FBXO11: variants seen among roughly 807,000 people sequenced by gnomAD.
FBXO11 encodes F-box only protein 11.
A neutral mutation model predicts 117.0 loss-of-function variants in FBXO11; 13 were observed. The observed-to-expected ratio is 0.11, with a 90% CI of 0.07 to 0.18. FBXO11 has a LOEUF of 0.18. Among genes scored for constraint, FBXO11 ranks in the 10% least tolerant of loss-of-function variants. FBXO11 has a pLI of 1.00. For synonymous variants in FBXO11, 490 were observed against 380.5 expected, an observed-to-expected ratio of 1.29 and a Z score of -3.35; for missense variants, 767 against 1,164.4, an observed-to-expected ratio of 0.66 and a Z score of 4.97.
At position 47,905,781 on chromosome 2, in the gene FBXO11, T is replaced by C. The variant is rs1307701273; in HGVS notation, c.-61A>G. ...ACACACACGCACACGCACAGCGAGC[T>C]TCGGGGCAGGAGAAAGGGGTGGGGA... On this transcript the variant is annotated 5_prime_UTR_variant, in exon 1 of 23. Coordinates refer to ENST00000403359, the MANE Select transcript of FBXO11 (RefSeq NM_001190274.2). 1.1e-5 allele frequency: 14 copies of C among 1,282,384 alleles called. No homozygotes were observed. Among genetic ancestry groups the C allele is most frequent in the South Asian group, 6.3e-5 (5 of 79,958 alleles). 79.4% of individuals were successfully genotyped at this position (1,282,384 alleles called of 1,614,324 possible). A position where few individuals can be genotyped will look rare whatever the true frequency, so the allele number is the denominator to read the frequency against.
rs1307224081 is a variant in FBXO11, at chr2:47,807,673, A to C, written c.*445T>G. 2 of 229,414 alleles carry C rather than the reference A, an allele frequency of 8.7e-6. No individual in the cohort carries two copies. The highest frequency in any genetic ancestry group is 4.5e-5 in the African/African-American group (2 of 44,804). The allele number at this position is 229,414 out of a possible 1,614,324, so 14.2% of individuals were successfully genotyped here. A position where few individuals can be genotyped will look rare whatever the true frequency, so the allele number is the denominator to read the frequency against. ...TCTCAATCTGAATACATGTTAAAAA[A>C]AAAAAATCAAAAGGAACGCAGAAGT... On this transcript the variant is annotated 3_prime_UTR_variant, in exon 23 of 23. Coordinates refer to ENST00000403359, the MANE Select transcript of FBXO11 (RefSeq NM_001190274.2).
intron 16 of FBXO11, among the ~76,000 whole-genome samples, chr2:47,815,184 T>A (rs1670923307): frequency 6.6e-6 from 1 of 152,218 alleles, no homozygotes; most frequent in South Asian, 2.1e-4. Context: ...TTTATTTTTG[T>A]ATTTAGGTTT....
Position 47,834,791 on chromosome 2 carries a change from C to T in FBXO11, c.798G>A (p.Met266Ile). ...TAAAAATAAAAATCAAACATACCAACATATTTTCTCTTCCTTTATATCTTG... is the reference window on the plus strand; with the variant it reads ...TAAAAATAAAAATCAAACATACCAATATATTTTCTCTTCCTTTATATCTTG... The part of the protein sequence containing the change: ...NPARYKGREN[M>I]LYYDTIEDAL... Residue 266 changes from methionine to isoleucine, a missense_variant, in exon 6 of 23, where the codon ATG (methionine) becomes ATA (isoleucine). Met to Ile is a conservative substitution (Grantham distance 10, BLOSUM62 1). Around this residue, in one of 10 missense-constraint regions of FBXO11, gnomAD observed 32 missense variants for 48.4 expected, o/e 0.66. Transcript: ENST00000403359. 1 of 1,612,346 alleles carries T rather than the reference C, an allele frequency of 6.2e-7. No individual in the cohort carries two copies. The highest frequency in any genetic ancestry group is 8.5e-7 in the Non-Finnish European group (1 of 1,179,226).
chr2:47,808,963 C>T, intron 21 of FBXO11, 195 bp downstream of exon 21: 1 of 448,982 alleles, frequency 2.2e-6, no homozygotes, highest in Non-Finnish European at 3.9e-6. Flanking sequence ...TCCCAAAGTG[C>T]TAGGATTACA....
In FBXO11 at chr2:47,839,415, A is replaced by G. The variant is rs949718117; in HGVS notation, c.442+4T>C. Reference sequence around the variant, plus strand: ...CCTATTTGTTACTTTCCCACAGGAAATACCTGATAGATCTTGTGATTTTCC... The same window carrying G: ...CCTATTTGTTACTTTCCCACAGGAAGTACCTGATAGATCTTGTGATTTTCC... On this transcript the variant is annotated splice_donor_region_variant and intron_variant, in intron 3 of 22. Coordinates refer to ENST00000403359, the MANE Select transcript of FBXO11 (RefSeq NM_001190274.2). 1.2e-6 allele frequency: 2 copies of G among 1,607,776 alleles called. No individual in the cohort carries two copies. The highest frequency in any genetic ancestry group is 2.7e-5 in the African/African-American group (2 of 74,580).
At chr2:47,847,254 A>T (rs1175769845) in intron 1 of FBXO11, among the ~76,000 whole-genome samples, 1 of 152,048 alleles carries the variant, frequency 6.6e-6, no homozygotes, top group African/African-American at 2.4e-5. Flanking sequence ...CAAACAAACA[A>T]ACAAAAAGAA....
At chr2:47,873,087 G>A (rs748548783) in intron 1 of FBXO11, among the ~76,000 whole-genome samples, 13 of 152,236 alleles carry the variant, frequency 8.5e-5, no homozygotes, top group Admixed American at 7.8e-4. Flanking sequence ...GTCACTACTG[G>A]TAAGTCTATG....
chr2:47,825,937 A>G (rs559182590), intron 11 of FBXO11, among the ~76,000 whole-genome samples: 1 of 152,186 alleles, frequency 6.6e-6, no homozygotes, highest in South Asian at 2.1e-4. Flanking sequence ...CTCTGAATGC[A>G]GTGATACAGT....
At chr2:47,883,522 C>G (rs554686751) in intron 1 of FBXO11, 4 of 391,408 alleles carry the variant, frequency 1.0e-5, no homozygotes, top group Admixed American at 2.8e-5. Context: ...TTGGATACAA[C>G]AGAAAATGTA....
At chr2:47,876,967 A>G (rs1676050789) in intron 1 of FBXO11, among the ~76,000 whole-genome samples, 1 of 151,420 alleles carries the variant, frequency 6.6e-6, no homozygotes, top group Admixed American at 6.6e-5. Flanking sequence ...ATTCCTTAAT[A>G]CTATTTTCCA....
At chr2:47,819,608 T>C (rs1049248112) in intron 14 of FBXO11, among the ~76,000 whole-genome samples, 3 of 152,050 alleles carry the variant, frequency 2.0e-5, no homozygotes, top group Non-Finnish European at 2.9e-5. Context: ...ATCACAGTAA[T>C]AGTAGTAGTA....
At chr2:47,836,419 A>G (rs1445054109) in intron 4 of FBXO11, among the ~76,000 whole-genome samples, 4 of 151,970 alleles carry the variant, frequency 2.6e-5, no homozygotes, top group African/African-American at 9.7e-5. Flanking sequence ...CCCAGGCTGG[A>G]GTGCAGTGCC....
intron 1 of FBXO11, among the ~76,000 whole-genome samples, chr2:47,901,150 T>G (rs1393620302): frequency 2.1e-5 from 3 of 141,356 alleles, no homozygotes; most frequent in Non-Finnish European, 4.7e-5. Context: ...TACACACGTG[T>G]GTACATATAT....
At chr2:47,877,506 G>A (rs960305988) in intron 1 of FBXO11, among the ~76,000 whole-genome samples, 47 of 152,098 alleles carry the variant, frequency 3.1e-4, no homozygotes, top group Admixed American at 5.2e-4. Context: ...TGAAGGTGTT[G>A]ACTTGGTTAT....
intron 11 of FBXO11, among the ~76,000 whole-genome samples, chr2:47,830,521 G>A (rs1672098283): frequency 6.6e-6 from 1 of 151,992 alleles, no homozygotes; most frequent in African/African-American, 2.4e-5. Context: ...AATAACTGTA[G>A]GAATGCAAAT....
At chr2:47,808,464 T>C (rs756786516) in intron 21 of FBXO11, 37 bp from the exon 22 acceptor site, 4 of 1,512,146 alleles carry the variant, frequency 2.6e-6, no homozygotes, top group African/African-American at 2.8e-5. Context: ...TTCTCAAACA[T>C]GTCATTAATG....
intron 1 of FBXO11, among the ~76,000 whole-genome samples, chr2:47,874,110 A>G (rs1306702947): frequency 2.6e-5 from 4 of 152,116 alleles, no homozygotes; most frequent in Non-Finnish European, 1.5e-5. Flanking sequence ...GCTACTTGGG[A>G]GGCTGAGGCA....
At chr2:47,899,388 T>A (rs1412852505) in intron 1 of FBXO11, among the ~76,000 whole-genome samples, 2 of 152,178 alleles carry the variant, frequency 1.3e-5, no homozygotes, top group African/African-American at 4.8e-5. Context: ...TATATACAGC[T>A]GATACAATCC....
chr2:47,905,696 G>C lies in FBXO11; in HGVS notation c.25C>G (p.Arg9Gly). Residue 9 changes from arginine to glycine, a missense_variant, in exon 1 of 23, where the codon CGG becomes GGG. Physicochemically the swap from Arg to Gly is moderately radical, Grantham distance 125. This residue lies in a region of FBXO11 where 355 missense variants were observed against 299.8 expected (regional missense o/e 1.18). Coordinates refer to ENST00000403359, the MANE Select transcript of FBXO11 (RefSeq NM_001190274.2). Reference protein sequence around the residue: MNSVRAANRRPRRVSRPRP... With the variant: MNSVRAANGRPRRVSRPRP... ...GGCCGCGACACTCGCCTGGGTCTCC[G>C]GTTGGCGGCTCGGACGGAGTTCATT... 3.3e-6 allele frequency: 5 copies of C among 1,522,534 alleles called. No homozygotes were observed. The Admixed American group carries it at 8.0e-5, about 24-fold the overall frequency. 94.3% of individuals were successfully genotyped at this position (1,522,534 alleles called of 1,614,324 possible).
Sources: allele counts gnomAD v4.1 joint callset (sites outside exome capture counted in the v4.1 genomes callset), GRCh38; gene constraint gnomAD v4.1.1; regional missense constraint gnomAD v4.1.1; transcripts MANE v1.5; gene names NCBI Gene and HGNC (gene_info 2026-07-23, HGNC 2026-07-21).